Variants in BET1 observed in about 807,000 individuals in gnomAD.
The protein encoded by BET1 is BET1 homolog.
Under a neutral mutation model 13.9 loss-of-function variants are expected in BET1, and 9 were observed. The observed-to-expected ratio is 0.65, with a 90% CI of 0.39 to 1.13. BET1 has a LOEUF of 1.13. BET1 is among the 50% of genes most tolerant of loss of function. BET1 has a pLI of 0.01. For missense variants in BET1, 127 were observed against 133.6 expected, an observed-to-expected ratio of 0.95 and a Z score of 0.24; for synonymous variants, 39 against 47.3, an observed-to-expected ratio of 0.82 and a Z score of 0.72.
chr7:93,998,080 G>T (rs1409223210), intron 2 of BET1, among the ~76,000 whole-genome samples: 1 of 152,138 alleles, frequency 6.6e-6, no homozygotes, highest in Non-Finnish European at 1.5e-5. Flanking sequence ...GGGATAGTGT[G>T]ATATGGGGGT....
intron 4 of BET1, among the ~76,000 whole-genome samples, chr7:93,987,544 T>C (rs1489325324): frequency 6.6e-6 from 1 of 152,008 alleles, no homozygotes; most frequent in Non-Finnish European, 1.5e-5. Flanking sequence ...AATTTCTAGG[T>C]GGGGGAGAGT....
At chr7:93,999,367 GA>G in intron 1 of BET1, 73 bp from the exon 2 acceptor site, 4 of 1,527,820 alleles carry the variant, frequency 2.6e-6, no homozygotes, top group Admixed American at 2.2e-5. Flanking sequence ...GGAAAGAACT[GA>G]AAAAGACCCC....
exon 5 of BET1, chr7:93,975,960 T>A (rs1022172763): frequency 2.7e-5 from 34 of 1,264,050 alleles, no homozygotes; most frequent in Non-Finnish European, 3.3e-5. Context: ...TGTCATGATA[T>A]AATTCTGCAG....
intron 4 of BET1, among the ~76,000 whole-genome samples, chr7:93,979,107 C>G (rs997577684): frequency 2.0e-5 from 3 of 152,118 alleles, no homozygotes; most frequent in Non-Finnish European, 4.4e-5. Flanking sequence ...TTGGTGGTAT[C>G]CAATTGGTCA....
intron 2 of BET1, among the ~76,000 whole-genome samples, chr7:93,998,125 A>T (rs1795811896): frequency 6.6e-6 from 1 of 152,178 alleles, no homozygotes; most frequent in South Asian, 2.1e-4. Context: ...CACAAAGTGT[A>T]ATTTGTCTAG....
downstream of BET1, chr7:93,992,139 G>A (rs1035222994): frequency 1.2e-5 from 12 of 985,222 alleles, no homozygotes; most frequent in Non-Finnish European, 1.2e-5. Context: ...CAGACACAGT[G>A]ATGTGAAGGA....
In BET1 at chr7:93,969,990, A is replaced by G. The variant is rs181245190; in HGVS notation, c.*137+2585T>C. On this transcript the variant is annotated intron_variant and NMD_transcript_variant, in intron 6 of 6. Coordinates refer to the BET1 transcript ENST00000357520. Reference sequence around the variant, plus strand: ...ATTTATTAATTTGATGAATTTCTATATGCCTTTTTTGGTCTTCACAGAGAG... The same window carrying G: ...ATTTATTAATTTGATGAATTTCTATGTGCCTTTTTTGGTCTTCACAGAGAG... Among the ~76,000 whole-genome samples the G allele has an allele frequency of 4.6e-5, 7 of 151,942 alleles. No individual in the cohort carries two copies. The East Asian group carries it at 1.2e-3, about 25-fold the overall frequency.
Position 93,993,892 on chromosome 7 carries a change from C to A in BET1, c.*338G>T. ...ATTCTGTTACTCTCCCACTAAGTTT[C>A]CTTACATGGGACATAAACCTGCATT... On this transcript the variant is annotated 3_prime_UTR_variant, in exon 4 of 4. Transcript: ENST00000222547. 1 of 1,535,842 alleles carries A rather than the reference C, an allele frequency of 6.5e-7. No individual in the cohort carries two copies. Among genetic ancestry groups the A allele is most frequent in the Non-Finnish European group, 8.7e-7 (1 of 1,146,772 alleles).
At chr7:93,988,919 A>T (rs1768125488), downstream of BET1, among the ~76,000 whole-genome samples, 1 of 148,982 alleles carries the variant, frequency 6.7e-6, no homozygotes, top group African/African-American at 2.4e-5. Context: ...GTGGTAGAAA[A>T]AAGTTAAGCA....
At chr7:93,968,437 AGAT>A (rs1258171342) in intron 6 of BET1, 2 of 151,850 alleles carry the variant, frequency 1.3e-5, no homozygotes, top group Non-Finnish European at 2.9e-5. Context: ...AATGTGCAGA[AGAT>A]CATGCTTTGT....
chr7:93,979,579 G>A (rs1351935822), intron 4 of BET1, among the ~76,000 whole-genome samples: 1 of 151,972 alleles, frequency 6.6e-6, no homozygotes, highest in Non-Finnish European at 1.5e-5. Flanking sequence ...GAGAACTTCA[G>A]AAACTAACTG....
In BET1 at chr7:93,993,622, A is replaced by C. The variant is rs1009042044; in HGVS notation, c.*608T>G. 7.9e-7 allele frequency: 1 copy of C among 1,261,050 alleles called. No individual in the cohort carries two copies. Among genetic ancestry groups the C allele is most frequent in the East Asian group, 3.4e-5 (1 of 29,610 alleles). The allele number at this position is 1,261,050 out of a possible 1,614,324, so 78.1% of individuals were successfully genotyped here. ...ACACATGTGCAATGGGCCCTACCAG[A>C]AATATGCCAAAATAACAAGTTTTAT... On this transcript the variant is annotated 3_prime_UTR_variant, in exon 4 of 4. Transcript: ENST00000222547.
At chr7:93,995,858 T>C (rs1795758117) in intron 3 of BET1, among the ~76,000 whole-genome samples, 1 of 152,170 alleles carries the variant, frequency 6.6e-6, no homozygotes, top group African/African-American at 2.4e-5. Flanking sequence ...AAGTGATCCT[T>C]AGGAAATCAA....
chr7:93,989,171 G>A (rs190915482), downstream of BET1, among the ~76,000 whole-genome samples: 213 of 151,266 alleles, frequency 1.4e-3, no homozygotes, highest in African/African-American at 4.8e-3. Context: ...CCGCCACCAC[G>A]CCTGGCTAAT....
At chr7:93,970,956 G>T (rs79329478) in intron 6 of BET1, among the ~76,000 whole-genome samples, 1 of 151,668 alleles carries the variant, frequency 6.6e-6, no homozygotes, top group Non-Finnish European at 1.5e-5. Context: ...TATCTTGCCT[G>T]GTCCCTGAAT....
intron 4 of BET1, among the ~76,000 whole-genome samples, chr7:93,979,759 T>C (rs1464054750): frequency 1.3e-5 from 2 of 151,466 alleles, no homozygotes; most frequent in East Asian, 3.9e-4. Flanking sequence ...CTGGATCATA[T>C]ATCCAATGTT....
intron 1 of BET1, among the ~76,000 whole-genome samples, chr7:94,000,966 C>T (rs1795892837): frequency 6.6e-6 from 1 of 152,104 alleles, no homozygotes; most frequent in African/African-American, 2.4e-5. Context: ...AGCAAGACCT[C>T]ATCTATTAAA....
downstream of BET1, among the ~76,000 whole-genome samples, chr7:93,988,740 G>A (rs1014949471): frequency 6.6e-6 from 1 of 151,682 alleles, no homozygotes; most frequent in Non-Finnish European, 1.5e-5. Context: ...ACATCCTCCG[G>A]AAAAAGCTGA....
chr7:93,963,402 A>G (rs1201591911), exon 7 of BET1: 1 of 152,076 alleles, frequency 6.6e-6, no homozygotes, highest in Non-Finnish European at 1.5e-5. Context: ...GCAAGTCAGT[A>G]TACATGCATG....
Sources: gnomAD v4.1 joint callset for allele counts (sites outside exome capture counted in the v4.1 genomes callset) on GRCh38, gnomAD v4.1.1 for gene constraint, MANE v1.5 for transcripts, NCBI Gene and HGNC (gene_info 2026-07-23, HGNC 2026-07-21) for gene names.